Variants in DGKZ observed in about 807,000 individuals in gnomAD.
The protein encoded by DGKZ is diacylglycerol kinase zeta, also known as DAG kinase zeta.
In DGKZ, 45 loss-of-function variants were observed where a neutral mutation model predicts 142.5. The ratio of observed to expected loss-of-function variants is 0.32; its 90% confidence interval spans 0.25 to 0.40. The LOEUF is 0.40. Among genes scored for constraint, DGKZ ranks in the 10% least tolerant of loss-of-function variants. DGKZ has a pLI of 1.00. For missense variants in DGKZ, 755 were observed against 1,306.5 expected, an observed-to-expected ratio of 0.58 and a Z score of 6.51; for synonymous variants, 442 against 527.0, an observed-to-expected ratio of 0.84 and a Z score of 2.21.
chr11:46,368,649 G>T (rs1408807576), intron 4 of DGKZ: 1 of 213,536 alleles, frequency 4.7e-6, no homozygotes, highest in African/African-American at 2.3e-5. Flanking sequence ...AGTGGTTCAG[G>T]CAGGCTCACA....
rs1590579068 is a variant in DGKZ, at chr11:46,369,931, T to C, written c.502-10T>C. 1 of 1,613,732 alleles carries C rather than the reference T, an allele frequency of 6.2e-7. No individual in the cohort carries two copies. Among genetic ancestry groups the C allele is most frequent in the Non-Finnish European group, 8.5e-7 (1 of 1,179,990 alleles). On this transcript the variant is annotated splice_polypyrimidine_tract_variant and intron_variant, in intron 5 of 30. Transcript: ENST00000527911. ...CCTCACCCAGTGAAATTTTTCCCCT[T>C]CTCCCCCAGCCAACCTTTGTACGGC...
chr11:46,345,305 A>AAG, upstream of DGKZ: 1 of 1,377,346 alleles, frequency 7.3e-7, no homozygotes, highest in Non-Finnish European at 9.3e-7. This position sits in a 1 kb window ranked among gnomAD's most constrained non-coding sequence, Gnocchi z 4.1. Flanking sequence ...ATGAGCCCTG[A>AAG]GCCTGTGGTC....
intron 1 of DGKZ, among the ~76,000 whole-genome samples, chr11:46,337,947 G>A (rs1382903793): frequency 2.0e-5 from 3 of 152,162 alleles, no homozygotes; most frequent in Non-Finnish European, 4.4e-5. Flanking sequence ...AGCATTACCT[G>A]AGATGGAAAT....
exon 1 of DGKZ, chr11:46,333,005 G>T (rs1307778740): frequency 1.2e-5 from 4 of 321,458 alleles, no homozygotes; most frequent in Non-Finnish European, 2.3e-5. Context: ...CCGTCCGGGG[G>T]GCGCCGCGGC....
At chr11:46,333,604 T>C in intron 1 of DGKZ, 1 of 953,736 alleles carries the variant, frequency 1.0e-6, no homozygotes, top group Non-Finnish European at 1.6e-6. Flanking sequence ...AGTTTAGAGA[T>C]GACTGCCGAG....
At chr11:46,365,639 G>T (rs1943165415) in intron 1 of DGKZ, 2 of 985,220 alleles carry the variant, frequency 2.0e-6, no homozygotes, top group African/African-American at 3.5e-5. Flanking sequence ...AAGGCTATGG[G>T]CTGAGAGACT....
In DGKZ at chr11:46,367,452, C is replaced by T. The variant is rs1943440691; in HGVS notation, c.270+53C>T. 7.6e-6 allele frequency: 12 copies of T among 1,574,298 alleles called. No homozygotes were observed. Among genetic ancestry groups the T allele is most frequent in the Middle Eastern group, 1.7e-4 (1 of 5,924 alleles). ...AGACCCTCTGGGCTCTTGGCCAAGG[C>T]GCAGCTGGCGGGTGGAGGCACTAAA... is the stretch of plus-strand genomic sequence containing the variant. On this transcript the variant is annotated intron_variant, in intron 2 of 30. Transcript: ENST00000527911. The surrounding 1 kb of genome is among the most constrained non-coding windows in gnomAD (Gnocchi z 4.1).
At chr11:46,347,256 G>T, upstream of DGKZ, 1 of 957,578 alleles carries the variant, frequency 1.0e-6, no homozygotes, top group Non-Finnish European at 1.2e-6. This position sits in a 1 kb window ranked among gnomAD's most constrained non-coding sequence, Gnocchi z 6.4. Context: ...CCATCCAGGC[G>T]GGCCGGGCCG....
intron 6 of DGKZ, among the ~76,000 whole-genome samples, 173 bp from the exon 7 acceptor site, chr11:46,371,140 T>C (rs1329662439): frequency 6.6e-6 from 1 of 152,188 alleles, no homozygotes; most frequent in Non-Finnish European, 1.5e-5. Flanking sequence ...ATGCCTGTTG[T>C]TCCCAGTTAC....
At chr11:46,339,350 G>T (rs573051418) in intron 1 of DGKZ, among the ~76,000 whole-genome samples, 2 of 152,360 alleles carry the variant, frequency 1.3e-5, no homozygotes, top group African/African-American at 4.8e-5. Flanking sequence ...CAAAACCAGG[G>T]GCAGAGAGCT....
chr11:46,379,431 G>A, intron 29 of DGKZ, 38 bp from the exon 30 acceptor site: 1 of 1,596,078 alleles, frequency 6.3e-7, no homozygotes, highest in Non-Finnish European at 8.5e-7. Flanking sequence ...TGGATCAGGG[G>A]ACGGGATGGG....
chr11:46,341,532 G>T lies in DGKZ; in HGVS notation c.212+8045G>T, dbSNP rs572575399. On this transcript the variant is annotated intron_variant, in intron 1 of 30. Coordinates refer to the DGKZ transcript ENST00000343674. ...GACCAAAAACTTGGAAATCAGGAAA[G>T]AAGATTCAAATGGAACTGTCAGATC... Among the ~76,000 whole-genome samples, 7 of 152,238 alleles carry T rather than the reference G, an allele frequency of 4.6e-5. No individual in the cohort carries two copies. The East Asian group carries it at 1.2e-3, about 25-fold the overall frequency.
chr11:46,378,642 C>A lies in DGKZ; in HGVS notation c.2418+142C>A, dbSNP rs142015463. 105 of 1,144,504 alleles carry A rather than the reference C, an allele frequency of 9.2e-5. No homozygotes were observed. In the East Asian group the frequency reaches 2.4e-3, roughly 26 times the overall value. The allele number at this position is 1,144,504 out of a possible 1,614,324, so 70.9% of individuals were successfully genotyped here. ...GGCCCTCTGTGGGATCTCCAGTGAT[C>A]GTCCCATTCCACTTCACTGTATCTC... On this transcript the variant is annotated intron_variant, in intron 27 of 30. Coordinates refer to ENST00000527911, the Ensembl canonical transcript of DGKZ.
chr11:46,365,676 C>G (rs961709014), intron 1 of DGKZ: 5 of 985,290 alleles, frequency 5.1e-6, no homozygotes, highest in Non-Finnish European at 6.0e-6. Context: ...GATTAAGTTC[C>G]TTTGCAGAGA....
In DGKZ at chr11:46,369,936, C is replaced by G. The variant is rs1265864188; in HGVS notation, c.502-5C>G. 6.2e-7 allele frequency: 1 copy of G among 1,613,846 alleles called. No individual in the cohort carries two copies. Among genetic ancestry groups the G allele is most frequent in the East Asian group, 2.2e-5 (1 of 44,900 alleles). ...CCCAGTGAAATTTTTCCCCTTCTCCCCCAGCCAACCTTTGTACGGCACCAC... is the reference window on the plus strand; with the variant it reads ...CCCAGTGAAATTTTTCCCCTTCTCCGCCAGCCAACCTTTGTACGGCACCAC... On this transcript the variant is annotated splice_polypyrimidine_tract_variant and splice_region_variant and intron_variant, in intron 5 of 30. Transcript: ENST00000527911.
At chr11:46,358,202 G>T (rs1194553668) in intron 1 of DGKZ, among the ~76,000 whole-genome samples, 1 of 152,154 alleles carries the variant, frequency 6.6e-6, no homozygotes, top group Non-Finnish European at 1.5e-5. Context: ...CTAGGCAGGG[G>T]CCCCAACATC....
chr11:46,340,375 T>C (rs1208709607), intron 1 of DGKZ, among the ~76,000 whole-genome samples: 6 of 152,092 alleles, frequency 3.9e-5, no homozygotes, highest in Non-Finnish European at 5.9e-5. Context: ...GGGCTTGGTG[T>C]AGTCCAGGGT....
At chr11:46,369,215 G>A (rs1943670553) in intron 4 of DGKZ, 1 of 536,222 alleles carries the variant, frequency 1.9e-6, no homozygotes, top group African/African-American at 1.9e-5. Flanking sequence ...GCAAACCATG[G>A]TCCCATGTTA....
At position 46,373,294 on chromosome 11, in the gene DGKZ, T is replaced by G. The variant is rs146364498; in HGVS notation, c.1326+193T>G. Among the ~76,000 whole-genome samples the G allele has an allele frequency of 3.0e-3, 435 of 143,100 alleles. 14 individuals carry two copies. In the East Asian group the frequency reaches 0.051, roughly 17 times the overall value. The allele number at this position is 143,100 out of a possible 152,430, so 93.9% of individuals were successfully genotyped here. ...TCTGTGTTTTTTTTTTGTTTTTTTT[T>G]TTTTTTTTTTGAGACTGAGTCTCGC... On this transcript the variant is annotated intron_variant, in intron 14 of 30. Coordinates refer to ENST00000527911, the Ensembl canonical transcript of DGKZ.
Sources: allele counts gnomAD v4.1 joint callset (sites outside exome capture counted in the v4.1 genomes callset), GRCh38; gene constraint gnomAD v4.1.1; non-coding constraint Gnocchi (gnomAD v3.1); transcripts MANE v1.5; gene names NCBI Gene and HGNC (gene_info 2026-07-23, HGNC 2026-07-21).